The following VPS37A variants were observed in gnomAD, a reference collection of about 807,000 sequenced individuals.
The protein encoded by VPS37A is VPS37A subunit of ESCRT-I, also known as vacuolar protein sorting-associated protein 37A.
VPS37A carries 30 observed loss-of-function variants against 49.8 expected under a neutral mutation model. The ratio of observed to expected loss-of-function variants is 0.60; its 90% CI spans 0.45 to 0.82. VPS37A has a LOEUF of 0.82. VPS37A is among the 40% of genes least tolerant of loss of function. The pLI is 0.00. For missense variants in VPS37A, 593 were observed against 464.4 expected (o/e 1.28, Z -2.55); for synonymous variants, 195 against 160.6 (o/e 1.21, Z -1.62).
chr8:17,247,569 C>A, intron 1 of VPS37A, 200 bp downstream of exon 1: 2 of 762,014 alleles, frequency 2.6e-6, no homozygotes. Flanking sequence ...CCTCCTGCCG[C>A]ACCACTGCTC....
rs368698500 is a variant in VPS37A, at chr8:17,268,207, T to C, written c.201-51T>C. 266 of 1,301,060 alleles carry C rather than the reference T, an allele frequency of 2.0e-4. 1 individual carries two copies. The highest frequency in any genetic ancestry group is 2.7e-4 in the Non-Finnish European group (242 of 912,478). The allele number at this position is 1,301,060 out of a possible 1,614,324, so 80.6% of individuals were successfully genotyped here. On this transcript the variant is annotated intron_variant, in intron 2 of 11. Coordinates refer to ENST00000324849, the MANE Select transcript of VPS37A (RefSeq NM_152415.3). ...TTGTTTTAAGATTTTGACCATATAA[T>C]GTACCTTTGTTATCTTTGTTTTTGT...
intron 4 of VPS37A, among the ~76,000 whole-genome samples, chr8:17,270,750 A>G (rs1460514738): frequency 6.6e-6 from 1 of 152,186 alleles, no homozygotes; most frequent in East Asian, 1.9e-4. Context: ...TCCTAGCCGT[A>G]AGAATTCACC....
chr8:17,258,074 G>A (rs13250416), intron 1 of VPS37A, among the ~76,000 whole-genome samples: 40 of 151,984 alleles, frequency 2.6e-4, no homozygotes, highest in Non-Finnish European at 4.9e-4. Context: ...TTTTCCAGTC[G>A]TAACATTGTG....
chr8:17,327,586 A>G, the VPS37A span, among the ~76,000 whole-genome samples: 1 of 152,100 alleles, frequency 6.6e-6, no homozygotes, highest in Non-Finnish European at 1.5e-5. Context: ...CCCTTCCTGT[A>G]TCTTTATTTT....
At chr8:17,247,842 C>G (rs1811461482) in intron 1 of VPS37A, 1 of 687,994 alleles carries the variant, frequency 1.5e-6, no homozygotes. Flanking sequence ...TCAGTGAATG[C>G]TTCTCGTCTG....
chr8:17,299,747 A>G, downstream of VPS37A: 1 of 1,432,374 alleles, frequency 7.0e-7, no homozygotes, highest in Non-Finnish European at 9.5e-7. Flanking sequence ...TAGCTGCATT[A>G]AAGTAGTTCT....
At chr8:17,283,706 T>C (rs761064323) in intron 9 of VPS37A, among the ~76,000 whole-genome samples, 4 of 152,212 alleles carry the variant, frequency 2.6e-5, no homozygotes, top group Non-Finnish European at 4.4e-5. Flanking sequence ...TCCATTGTTC[T>C]TTATGTTTTT....
downstream of VPS37A, chr8:17,298,876 A>T (rs141720261): frequency 7.2e-5 from 11 of 152,358 alleles, 1 homozygote; most frequent in East Asian, 2.1e-3. Flanking sequence ...ACTAAGGTTA[A>T]TTAAACCATA....
chr8:17,279,614 T>C, intron 6 of VPS37A: 1 of 283,176 alleles, frequency 3.5e-6, no homozygotes, highest in Non-Finnish European at 7.0e-6. Flanking sequence ...AAAAAAATAC[T>C]TAACTATATT....
At position 17,247,058 on chromosome 8, in the gene VPS37A, C is replaced by G. The variant is rs879371416; in HGVS notation, c.-187C>G. The G allele has an allele frequency of 2.1e-5, 15 of 727,146 alleles. No homozygotes were observed. The highest frequency in any genetic ancestry group is 3.3e-5 in the Non-Finnish European group (15 of 453,448). The allele number at this position is 727,146 out of a possible 1,614,324, so 45.0% of individuals were successfully genotyped here. A position where few individuals can be genotyped will look rare whatever the true frequency, so the allele number is the denominator to read the frequency against. On this transcript the variant is annotated 5_prime_UTR_variant, in exon 1 of 12. Coordinates refer to ENST00000324849, the MANE Select transcript of VPS37A (RefSeq NM_152415.3). ...CAAGTTTCCCTCTCCAGCCGCCCGC[C>G]GTTCGTAGCATGTCCCCCAGAACTC... is the stretch of plus-strand genomic sequence containing the variant.
chr8:17,313,513 C>T, the VPS37A span: 1 of 644,964 alleles, frequency 1.6e-6, no homozygotes, highest in East Asian at 2.8e-5. Context: ...TAGGTATTTT[C>T]TGGAAGCAAG....
At chr8:17,266,072 A>C in intron 2 of VPS37A, 91 bp downstream of exon 2, 2 of 1,115,552 alleles carry the variant, frequency 1.8e-6, no homozygotes, top group South Asian at 1.5e-5. Flanking sequence ...TTTTAAGGTG[A>C]ACTTATTTCA....
Position 17,274,944 on chromosome 8 carries a change from G to A in VPS37A, c.628G>A (p.Asp210Asn), listed in dbSNP as rs1290210392. ...TCTGCCATTACCCATTCCCACAGTG[G>A]ATGCTTCAATACCGGTTGGTATCGT... ...SNLPLPIPTV[D>N]ASIPTSQNGF... is the part of the protein sequence containing the mutation. The change falls in exon 5 of 12, where the codon GAT becomes AAT. Residue 210 changes from aspartate to asparagine, a missense_variant. Asp to Asn is a conservative substitution (Grantham distance 23, BLOSUM62 1). Coordinates refer to ENST00000324849, the MANE Select transcript of VPS37A (RefSeq NM_152415.3). The A allele has an allele frequency of 6.2e-7, 1 of 1,614,016 alleles. No individual in the cohort carries two copies. Among genetic ancestry groups the A allele is most frequent in the Admixed American group, 1.7e-5 (1 of 60,012 alleles).
At chr8:17,313,385 A>G in the VPS37A span, 1 of 1,610,694 alleles carries the variant, frequency 6.2e-7, no homozygotes, top group Admixed American at 1.7e-5. Flanking sequence ...TCATGGAGGG[A>G]GATTTAAGTT....
intron 6 of VPS37A, among the ~76,000 whole-genome samples, chr8:17,276,797 C>G (rs887637157): frequency 6.6e-6 from 1 of 152,000 alleles, no homozygotes; most frequent in East Asian, 1.9e-4. Flanking sequence ...ATATCTTGGC[C>G]TATTTTAGAT....
intron 1 of VPS37A, chr8:17,247,941 A>C: frequency 1.7e-6 from 1 of 599,616 alleles, no homozygotes. Flanking sequence ...CGACCAGTGC[A>C]TGTACATTTC....
chr8:17,321,885 G>C, the VPS37A span, among the ~76,000 whole-genome samples: 3 of 152,256 alleles, frequency 2.0e-5, no homozygotes, highest in Non-Finnish European at 2.9e-5. Flanking sequence ...AAAGACAAAA[G>C]ATATAATTTT....
the VPS37A span, among the ~76,000 whole-genome samples, chr8:17,332,192 C>G: frequency 6.6e-6 from 1 of 151,664 alleles, no homozygotes; most frequent in Non-Finnish European, 1.5e-5. Flanking sequence ...CTAACCCAGG[C>G]AGAGAACCTA....
chr8:17,271,953 C>T, intron 4 of VPS37A: 1 of 455,874 alleles, frequency 2.2e-6, no homozygotes, highest in South Asian at 1.6e-5. Context: ...TCATATTTAG[C>T]AGTTCTTTAA....
Sources: gnomAD v4.1 joint callset for allele counts (sites outside exome capture counted in the v4.1 genomes callset) on GRCh38, gnomAD v4.1.1 for gene constraint, MANE v1.5 for transcripts, NCBI Gene and HGNC (gene_info 2026-07-23, HGNC 2026-07-21) for gene names.